Variants in SLC24A4 observed in about 807,000 individuals in gnomAD.
SLC24A4 encodes the protein solute carrier family 24 member 4.
A neutral mutation model predicts 79.0 loss-of-function variants in SLC24A4; 53 were observed. The observed-to-expected ratio is 0.67, with a 90% CI of 0.54 to 0.84. SLC24A4 has a LOEUF of 0.84. Ranked by LOEUF, SLC24A4 falls within the 40% of genes least tolerant of loss-of-function variation. The pLI is 0.00. For synonymous variants in SLC24A4, 323 were observed against 323.8 expected (o/e 1.00, Z 0.03); for missense variants, 731 against 822.0 (o/e 0.89, Z 1.35).
rs141706975 is a variant in SLC24A4, at chr14:92,348,565, C to T, written c.241+22587C>T. Among the ~76,000 whole-genome samples, 445 of 152,332 alleles carry T rather than the reference C, an allele frequency of 2.9e-3. 2 individuals are homozygous for T. The highest frequency in any genetic ancestry group is 0.01 in the African/African-American group (417 of 41,556). ...TTCCTGATTCCCAGTCCCTGGGGCC[C>T]CTTCCACTGAATCCACACTGCCCAC... On this transcript the variant is annotated intron_variant, in intron 2 of 16. Transcript: ENST00000532405.
intron 2 of SLC24A4, among the ~76,000 whole-genome samples, chr14:92,419,754 G>A (rs1001153437): frequency 6.6e-6 from 1 of 152,178 alleles, no homozygotes; most frequent in Admixed American, 6.5e-5. Flanking sequence ...TACAGGAGTT[G>A]TTTTCATGCT....
At chr14:92,421,381 C>T (rs1215928140) in intron 2 of SLC24A4, among the ~76,000 whole-genome samples, 2 of 152,120 alleles carry the variant, frequency 1.3e-5, no homozygotes, top group African/African-American at 4.8e-5. Flanking sequence ...CCAATTAGTC[C>T]CTTCCCTACC....
rs528720658 is a variant in SLC24A4, at chr14:92,464,779, G to A, written c.1255+8171G>A. On this transcript the variant is annotated intron_variant, in intron 12 of 16. Coordinates refer to ENST00000532405, the MANE Select transcript of SLC24A4 (RefSeq NM_153646.4). ...CTGCCGAGGATGTCACGCTTCATACGTCCCCTTACACGGGCGTTGTAGTGA... is the reference window on the plus strand; with the variant it reads ...CTGCCGAGGATGTCACGCTTCATACATCCCCTTACACGGGCGTTGTAGTGA... Among the ~76,000 whole-genome samples the A allele has an allele frequency of 3.3e-5, 5 of 152,324 alleles. No individual in the cohort carries two copies. In the South Asian group the frequency reaches 6.2e-4, roughly 19 times the overall value.
chr14:92,442,436 A>G (rs1892550696), intron 5 of SLC24A4, among the ~76,000 whole-genome samples: 1 of 152,218 alleles, frequency 6.6e-6, no homozygotes, highest in Admixed American at 6.5e-5. Flanking sequence ...TGAATATACT[A>G]AAACCACCGA....
In SLC24A4 at chr14:92,341,693, TCAAA is replaced by T. The variant is rs1394655723; in HGVS notation, c.241+15718_241+15721del. ...GTGCTTCTTAAAGGAAACCTTTGCC[TCAAA>T]CAGTCTCCCCAGGAAAATGGGGGGA... On this transcript the variant is annotated intron_variant, in intron 2 of 16. Transcript: ENST00000532405. Among the ~76,000 whole-genome samples the T allele has an allele frequency of 4.6e-5, 7 of 152,276 alleles. No individual in the cohort carries two copies. In the East Asian group the frequency reaches 1.2e-3, roughly 25 times the overall value.
At chr14:92,387,181 A>ATTTTT (rs10660359) in intron 2 of SLC24A4, among the ~76,000 whole-genome samples, 3 of 140,388 alleles carry the variant, frequency 2.1e-5, no homozygotes, top group African/African-American at 8.3e-5. Context: ...GGAGAGAAGT[A>ATTTTT]TTTTTTTTTT....
At chr14:92,434,316 C>T (rs919834772) in intron 3 of SLC24A4, among the ~76,000 whole-genome samples, 11 of 152,104 alleles carry the variant, frequency 7.2e-5, no homozygotes, top group Admixed American at 2.6e-4. Context: ...ATCAGTGTTG[C>T]GTGGCACATG....
chr14:92,397,286 C>T (rs1244811719), intron 2 of SLC24A4, among the ~76,000 whole-genome samples: 1 of 152,186 alleles, frequency 6.6e-6, no homozygotes, highest in Non-Finnish European at 1.5e-5. Flanking sequence ...TCCCCAGCTC[C>T]TTCTGCTCCG....
chr14:92,404,407 C>A (rs1401447067), intron 2 of SLC24A4, among the ~76,000 whole-genome samples: 1 of 152,206 alleles, frequency 6.6e-6, no homozygotes, highest in Non-Finnish European at 1.5e-5. Context: ...GACTAACCAT[C>A]CCCCATGTAT....
rs2139934488 is a variant in SLC24A4 at position 92,486,721 on chromosome 14, T to G, written c.1478T>G (p.Phe493Cys). Residue 493 changes from phenylalanine to cysteine, a missense_variant, in exon 14 of 17, where the codon TTC (phenylalanine) becomes TGC (cysteine). Coordinates refer to ENST00000532405, the MANE Select transcript of SLC24A4 (RefSeq NM_153646.4). ...CCGGATGTCATCATGGGCATTACTTTCCTGGCAGCAGGGACAAGTGTTCCA... is the reference window on the plus strand; with the variant it reads ...CCGGATGTCATCATGGGCATTACTTGCCTGGCAGCAGGGACAAGTGTTCCA... ...GIPDVIMGIT[F>C]LAAGTSVPDC... is the part of the protein sequence containing the mutation. The G allele has an allele frequency of 1.2e-6, 2 of 1,614,136 alleles. No homozygotes were observed. Among genetic ancestry groups the G allele is most frequent in the East Asian group, 2.2e-5 (1 of 44,882 alleles).
chr14:92,436,101 A>C (rs1333515333), intron 3 of SLC24A4, among the ~76,000 whole-genome samples: 1 of 152,214 alleles, frequency 6.6e-6, no homozygotes, highest in Non-Finnish European at 1.5e-5. Context: ...ACTGACTCAC[A>C]GTTCCTCATG....
At chr14:92,355,872 G>A (rs1038700456) in intron 2 of SLC24A4, among the ~76,000 whole-genome samples, 11 of 152,206 alleles carry the variant, frequency 7.2e-5, no homozygotes, top group African/African-American at 2.7e-4. Context: ...GTTGCTTTCT[G>A]ACATCGTGTG....
intron 2 of SLC24A4, among the ~76,000 whole-genome samples, chr14:92,392,504 T>C (rs964573651): frequency 6.6e-6 from 1 of 152,034 alleles, no homozygotes; most frequent in African/African-American, 2.4e-5. Context: ...CAGCTTCTCA[T>C]CTCTGCATCG....
In SLC24A4 at chr14:92,323,658, C is replaced by T; in HGVS notation, c.-173C>T. On this transcript the variant is annotated 5_prime_UTR_variant, in exon 1 of 17. Transcript: ENST00000532405. This position sits in a 1 kb window ranked among gnomAD's most constrained non-coding sequence, Gnocchi z 4.9. ...GGCCGCGTCGCGCGTCCCCACCTTC[C>T]CAAGGGGCTCCCCCGCCGACCTCGC... 2 of 764,142 alleles carry T rather than the reference C, an allele frequency of 2.6e-6. No individual in the cohort carries two copies. The highest frequency in any genetic ancestry group is 3.9e-6 in the Non-Finnish European group (2 of 516,682). The allele number at this position is 764,142 out of a possible 1,614,324, so 47.3% of individuals were successfully genotyped here.
Position 92,494,806 on chromosome 14 carries a change from T to C in SLC24A4, c.*1178T>C, listed in dbSNP as rs1232335999. 2 of 152,614 alleles carry C rather than the reference T, an allele frequency of 1.3e-5. No individual in the cohort carries two copies. Among genetic ancestry groups the C allele is most frequent in the Non-Finnish European group, 2.9e-5 (2 of 68,044 alleles). The allele number at this position is 152,614 out of a possible 1,614,324, so 9.5% of individuals were successfully genotyped here. A position where few individuals can be genotyped will look rare whatever the true frequency, so the allele number is the denominator to read the frequency against. ...TTAGAGCTAAGCTTCTGGAACCACG[T>C]AGTTTCTACACGTGGCAGGCCAAGA... On this transcript the variant is annotated 3_prime_UTR_variant, in exon 17 of 17. Coordinates refer to ENST00000532405, the MANE Select transcript of SLC24A4 (RefSeq NM_153646.4). The surrounding 1 kb of genome is among the most constrained non-coding windows in gnomAD (Gnocchi z 4.6).
intron 2 of SLC24A4, among the ~76,000 whole-genome samples, chr14:92,382,177 T>G (rs1238873021): frequency 6.6e-6 from 1 of 152,134 alleles, no homozygotes; most frequent in Non-Finnish European, 1.5e-5. Flanking sequence ...TATCAATACA[T>G]ATATACATAT....
chr14:92,427,471 A>G (rs146114764), intron 2 of SLC24A4, among the ~76,000 whole-genome samples: 1 of 152,348 alleles, frequency 6.6e-6, no homozygotes, highest in East Asian at 1.9e-4. Context: ...TGTTTGTTGA[A>G]AAGCTTGTCT....
At chr14:92,462,266 A>G (rs986578036) in intron 12 of SLC24A4, 2 of 152,276 alleles carry the variant, frequency 1.3e-5, no homozygotes, top group African/African-American at 4.8e-5. Flanking sequence ...GGCTCCTCTC[A>G]GTGAAGAAAC....
At chr14:92,436,963 T>C (rs1309980591) in intron 3 of SLC24A4, among the ~76,000 whole-genome samples, 1 of 152,202 alleles carries the variant, frequency 6.6e-6, no homozygotes, top group Non-Finnish European at 1.5e-5. Context: ...ATCCAGTAGA[T>C]ACCTGCCTCA....
Sources: gnomAD v4.1 joint callset for allele counts (sites outside exome capture counted in the v4.1 genomes callset) on GRCh38, gnomAD v4.1.1 for gene constraint, Gnocchi (gnomAD v3.1) non-coding constraint, MANE v1.5 for transcripts, NCBI Gene and HGNC (gene_info 2026-07-23, HGNC 2026-07-21) for gene names.